Variants in USP46 observed in about 807,000 individuals in gnomAD.
USP46 encodes ubiquitin specific peptidase 46.
USP46 carries 12 observed loss-of-function variants against 44.4 expected under a neutral mutation model. The observed-to-expected ratio is 0.27, with a 90% CI of 0.17 to 0.44. The LOEUF (loss-of-function observed/expected upper bound fraction) is 0.44. Among genes scored for constraint, USP46 ranks in the 20% least tolerant of loss-of-function variants. The probability of loss-of-function intolerance (pLI) is 1.00; values close to 1 mark genes in which losing one functional copy is unlikely to be tolerated. For synonymous variants in USP46, 155 were observed against 161.5 expected (o/e 0.96, Z 0.31); for missense variants, 248 against 444.8 (o/e 0.56, Z 3.98).
At chr4:52,631,319 T>G (rs186946080) in intron 1 of USP46, among the ~76,000 whole-genome samples, 175 bp from the exon 2 acceptor site, 15 of 152,330 alleles carry the variant, frequency 9.8e-5, no homozygotes, top group African/African-American at 3.4e-4. Context: ...GTTAATAATG[T>G]CAGCCTTATT....
chr4:52,647,086 A>T (rs1322772000), intron 1 of USP46, among the ~76,000 whole-genome samples: 6 of 152,208 alleles, frequency 3.9e-5, no homozygotes, highest in Admixed American at 3.9e-4. Flanking sequence ...ATGTCCTGCT[A>T]GTCAGTGAGG....
At chr4:52,658,655 G>A (rs1719050828) in intron 1 of USP46, among the ~76,000 whole-genome samples, 1 of 152,178 alleles carries the variant, frequency 6.6e-6, no homozygotes, top group South Asian at 2.1e-4. Context: ...AATTGCTATT[G>A]CAAAGTGAAT....
chr4:52,606,746 G>A (rs1716702210), intron 5 of USP46, among the ~76,000 whole-genome samples: 1 of 152,170 alleles, frequency 6.6e-6, no homozygotes, highest in Non-Finnish European at 1.5e-5. Flanking sequence ...ACAAAGAAAC[G>A]ACATAATCAG....
At chr4:52,634,198 CT>C (rs1718020019) in intron 1 of USP46, among the ~76,000 whole-genome samples, 5 of 151,232 alleles carry the variant, frequency 3.3e-5, no homozygotes, top group Admixed American at 6.6e-5. Context: ...ACTGCAACCT[CT>C]ACCCCCTGGG....
chr4:52,610,070 C>A (rs904065508), intron 5 of USP46, among the ~76,000 whole-genome samples: 4 of 149,298 alleles, frequency 2.7e-5, no homozygotes, highest in African/African-American at 9.9e-5. Context: ...GGACTACAGG[C>A]GCGCGCCACC....
intron 4 of USP46, among the ~76,000 whole-genome samples, chr4:52,624,563 T>C (rs1356734446): frequency 2.0e-5 from 3 of 152,174 alleles, no homozygotes; most frequent in Non-Finnish European, 1.5e-5. Context: ...GAAGAAAGAC[T>C]GCCAAAACCT....
chr4:52,618,684 T>C (rs558234864), intron 4 of USP46, among the ~76,000 whole-genome samples: 22 of 152,230 alleles, frequency 1.4e-4, no homozygotes, highest in African/African-American at 5.3e-4. Context: ...GAGCCGAAAA[T>C]GTGCTGGCTT....
chr4:52,632,608 C>A (rs1319256434), intron 1 of USP46, among the ~76,000 whole-genome samples: 2 of 151,934 alleles, frequency 1.3e-5, no homozygotes, highest in African/African-American at 4.8e-5. Flanking sequence ...ATCCCTTGAG[C>A]CTCAGTGGTT....
At chr4:52,654,592 C>T (rs769858157) in intron 1 of USP46, among the ~76,000 whole-genome samples, 18 of 152,054 alleles carry the variant, frequency 1.2e-4, no homozygotes, top group Non-Finnish European at 2.4e-4. Flanking sequence ...GATTGGGTCT[C>T]ACTATGTTGC....
intron 1 of USP46, among the ~76,000 whole-genome samples, chr4:52,653,419 C>T (rs1461818307): frequency 6.9e-6 from 1 of 145,594 alleles, no homozygotes; most frequent in African/African-American, 2.6e-5. Flanking sequence ...GCAGGAGAAT[C>T]ACTTGAATCC....
Position 52,627,942 on chromosome 4 carries a change from C to G in USP46, c.331+8G>C, listed in dbSNP as rs1183387666. 2 of 1,609,960 alleles carry G rather than the reference C, an allele frequency of 1.2e-6. No individual in the cohort carries two copies. Among genetic ancestry groups the G allele is most frequent in the South Asian group, 1.1e-5 (1 of 90,124 alleles). On this transcript the variant is annotated splice_region_variant and intron_variant, in intron 3 of 8. Transcript: ENST00000441222. ...AGGCTTAAATACATTATACTGCATA[C>G]TACTCACCATTCTCTTTTCTCAGCC...
At chr4:52,610,640 T>C in intron 4 of USP46, 23 bp from the exon 5 acceptor site, 1 of 1,608,642 alleles carries the variant, frequency 6.2e-7, no homozygotes, top group African/African-American at 1.3e-5. Context: ...ACAGAAACAA[T>C]ATATTAGGCA....
At chr4:52,633,193 C>T (rs1370446476) in intron 1 of USP46, among the ~76,000 whole-genome samples, 1 of 152,184 alleles carries the variant, frequency 6.6e-6, no homozygotes, top group Non-Finnish European at 1.5e-5. Flanking sequence ...AATGACCCTC[C>T]TCGGACCACA....
intron 6 of USP46, 123 bp downstream of exon 6, chr4:52,604,378 C>T: frequency 1.3e-6 from 1 of 753,488 alleles, no homozygotes; most frequent in Non-Finnish European, 2.2e-6. Flanking sequence ...TAACTGACTT[C>T]CCCAAGGCTC....
At chr4:52,640,431 TAGA>T (rs1380023835) in intron 1 of USP46, among the ~76,000 whole-genome samples, 1 of 152,164 alleles carries the variant, frequency 6.6e-6, no homozygotes, top group Admixed American at 6.5e-5. Context: ...GGAGTAGGCC[TAGA>T]AGAAGAGGAG....
chr4:52,602,533 C>T (rs914161562), intron 6 of USP46, among the ~76,000 whole-genome samples: 6 of 152,146 alleles, frequency 3.9e-5, no homozygotes, highest in Admixed American at 2.6e-4. Flanking sequence ...TCTTGGGCAT[C>T]GGGACACCAA....
chr4:52,608,213 T>C (rs1384953559), intron 5 of USP46, among the ~76,000 whole-genome samples: 1 of 152,256 alleles, frequency 6.6e-6, no homozygotes, highest in African/African-American at 2.4e-5. Context: ...GCAGAAAGAC[T>C]GTTTCTGGAT....
Position 52,659,174 on chromosome 4 carries a change from C to G in USP46, c.-24G>C, listed in dbSNP as rs1227959361. ...ATTAGTCTAAAGGTTGCAGCGATCC[C>G]TCACCGCCATCTTTACAAGGGGAAA... On this transcript the variant is annotated 5_prime_UTR_variant, in exon 1 of 9. Transcript: ENST00000441222. The surrounding 1 kb of genome is among the most constrained non-coding windows in gnomAD (Gnocchi z 4.2). 7 of 1,545,996 alleles carry G rather than the reference C, an allele frequency of 4.5e-6. No homozygotes were observed. Among genetic ancestry groups the G allele is most frequent in the African/African-American group, 1.4e-5 (1 of 70,762 alleles).
intron 4 of USP46, among the ~76,000 whole-genome samples, chr4:52,617,458 T>C (rs536712268): frequency 6.6e-6 from 1 of 152,330 alleles, no homozygotes; most frequent in South Asian, 2.1e-4. Context: ...ATGGAACAAA[T>C]ATAATTCATT....
Sources: allele counts gnomAD v4.1 joint callset (sites outside exome capture counted in the v4.1 genomes callset), GRCh38; gene constraint gnomAD v4.1.1; non-coding constraint Gnocchi (gnomAD v3.1); transcripts MANE v1.5; gene names NCBI Gene and HGNC (gene_info 2026-07-23, HGNC 2026-07-21).